The following PLD5 variants were observed in gnomAD, a reference collection of about 807,000 sequenced individuals.
PLD5 encodes phospholipase D family member 5.
In PLD5, 36 loss-of-function variants were observed where a neutral mutation model predicts 61.1. The observed-to-expected ratio is 0.59, with a 90% CI of 0.45 to 0.78. PLD5 has a LOEUF of 0.78. Ranked by LOEUF, PLD5 falls within the 30% of genes least tolerant of loss-of-function variation. The probability of loss-of-function intolerance (pLI) is 0.00; values close to 1 mark genes in which losing one functional copy is unlikely to be tolerated. For synonymous variants in PLD5, 243 were observed against 242.8 expected (o/e 1.00, Z -0.01); for missense variants, 515 against 644.4 (o/e 0.80, Z 2.17).
At chr1:242,414,432 T>C (rs1664716517) in intron 1 of PLD5, among the ~76,000 whole-genome samples, 1 of 152,052 alleles carries the variant, frequency 6.6e-6, no homozygotes, top group Non-Finnish European at 1.5e-5. Flanking sequence ...ATAATACAGG[T>C]CAAATACATG....
chr1:242,317,148 C>T (rs1394540974), intron 2 of PLD5, among the ~76,000 whole-genome samples: 1 of 151,918 alleles, frequency 6.6e-6, no homozygotes, highest in Non-Finnish European at 1.5e-5. Context: ...GCTGTAATCC[C>T]AATTACAGGC....
At chr1:242,503,733 C>G (rs572912059) in intron 1 of PLD5, among the ~76,000 whole-genome samples, 4 of 152,066 alleles carry the variant, frequency 2.6e-5, no homozygotes, top group Admixed American at 6.6e-5. Flanking sequence ...CATTTCACTG[C>G]TCTTAAAAAG....
chr1:242,404,090 G>A (rs914360612), intron 1 of PLD5, among the ~76,000 whole-genome samples: 3 of 152,044 alleles, frequency 2.0e-5, no homozygotes, highest in South Asian at 2.1e-4. Flanking sequence ...AACAGAAACC[G>A]GTCCCTGCCC....
chr1:242,139,616 T>C (rs114094153), intron 5 of PLD5, among the ~76,000 whole-genome samples: 275 of 152,266 alleles, frequency 1.8e-3, no homozygotes, highest in African/African-American at 6.5e-3. Flanking sequence ...CGGGCTCCTC[T>C]CCCTGCAGTT....
chr1:242,252,091 C>T (rs900506367), intron 4 of PLD5, among the ~76,000 whole-genome samples: 14 of 151,900 alleles, frequency 9.2e-5, no homozygotes, highest in East Asian at 1.9e-4. Context: ...CTGTGTATGA[C>T]GTAGGAGGAA....
intron 2 of PLD5, among the ~76,000 whole-genome samples, chr1:242,341,832 G>C (rs1294125129): frequency 1.4e-5 from 2 of 144,260 alleles, no homozygotes; most frequent in East Asian, 4.0e-4. Flanking sequence ...AGACTGAGTT[G>C]TTCCGTTTCC....
At chr1:242,110,808 T>TCA (rs111464015) in intron 7 of PLD5, among the ~76,000 whole-genome samples, 4,687 of 150,138 alleles carry the variant, frequency 0.031, 192 homozygotes, top group African/African-American at 0.097. Context: ...AAACTCTGTC[T>TCA]CACACACACA....
chr1:242,415,015 C>T (rs776368394), intron 1 of PLD5, among the ~76,000 whole-genome samples: 2 of 152,166 alleles, frequency 1.3e-5, no homozygotes, highest in African/African-American at 2.4e-5. Context: ...AATTTCATTC[C>T]CATATGAGAA....
intron 2 of PLD5, among the ~76,000 whole-genome samples, chr1:242,299,435 G>C (rs947505547): frequency 1.3e-5 from 2 of 152,352 alleles, no homozygotes; most frequent in Non-Finnish European, 2.9e-5. Context: ...TTGAGGATAA[G>C]AAACTGAGAC....
intron 1 of PLD5, among the ~76,000 whole-genome samples, chr1:242,517,847 A>G (rs1333365099): frequency 6.6e-6 from 1 of 152,198 alleles, no homozygotes; most frequent in African/African-American, 2.4e-5. Context: ...TTTCACATGA[A>G]AGACACTCAG....
chr1:242,386,758 C>T (rs929063658), intron 1 of PLD5, among the ~76,000 whole-genome samples: 7 of 152,118 alleles, frequency 4.6e-5, no homozygotes, highest in Non-Finnish European at 7.4e-5. Flanking sequence ...AATAGAATTT[C>T]GAGACAATTG....
chr1:242,094,392 G>A (rs1660068344), intron 9 of PLD5, among the ~76,000 whole-genome samples: 1 of 152,120 alleles, frequency 6.6e-6, no homozygotes. Context: ...TTAGAGAGAT[G>A]ACACTGTTTG....
intron 5 of PLD5, among the ~76,000 whole-genome samples, chr1:242,202,558 G>A (rs1177128812): frequency 6.6e-6 from 1 of 152,094 alleles, no homozygotes; most frequent in African/African-American, 2.4e-5. Flanking sequence ...CCTGTGACAG[G>A]GAGCTAACTC....
chr1:242,306,975 C>T (rs1378788056), intron 2 of PLD5, among the ~76,000 whole-genome samples: 1 of 152,254 alleles, frequency 6.6e-6, no homozygotes, highest in Non-Finnish European at 1.5e-5. Context: ...GTGTGTTAGG[C>T]TAAGTCGCCA....
Position 242,394,860 on chromosome 1 carries a change from GTATATATGAA to G in PLD5, c.190-46628_190-46619del, listed in dbSNP as rs1418667838. Among the ~76,000 whole-genome samples, 2 of 99,732 alleles carry G rather than the reference GTATATATGAA, an allele frequency of 2.0e-5. 1 individual carries two copies. The highest frequency in any genetic ancestry group is 7.1e-5 in the African/African-American group (2 of 28,222). 65.4% of individuals were successfully genotyped at this position (99,732 alleles called of 152,430 possible). On this transcript the variant is annotated intron_variant, in intron 1 of 9. Coordinates refer to ENST00000536534, the MANE Select transcript of PLD5 (RefSeq NM_001372062.1). ...TATATATACATATGTGAATATATAT[GTATATATGAA>G]TATATATGAATATATGTATATATAT...
intron 3 of PLD5, among the ~76,000 whole-genome samples, chr1:242,266,383 C>T (rs1380363660): frequency 6.6e-6 from 1 of 152,080 alleles, no homozygotes; most frequent in Non-Finnish European, 1.5e-5. Context: ...TCCATCTCAA[C>T]AAACAAATAA....
intron 1 of PLD5, among the ~76,000 whole-genome samples, chr1:242,410,123 AC>A (rs1664468187): frequency 6.6e-6 from 1 of 152,146 alleles, no homozygotes; most frequent in South Asian, 2.1e-4. Flanking sequence ...GTTTTGGGCG[AC>A]GACTATTTCT....
chr1:242,153,199 GTTT>G (rs573914173), intron 5 of PLD5, among the ~76,000 whole-genome samples: 3 of 149,230 alleles, frequency 2.0e-5, no homozygotes, highest in Non-Finnish European at 4.5e-5. Context: ...CTTTTTGATG[GTTT>G]TTTTTTCTTG....
chr1:242,346,440 G>T (rs1296515983), intron 2 of PLD5, among the ~76,000 whole-genome samples: 1 of 152,072 alleles, frequency 6.6e-6, no homozygotes, highest in East Asian at 1.9e-4. Flanking sequence ...TCACTTTAAG[G>T]TGAGGAGAGA....
Sources: gnomAD v4.1 joint callset for allele counts (sites outside exome capture counted in the v4.1 genomes callset) on GRCh38, gnomAD v4.1.1 for gene constraint, MANE v1.5 for transcripts, NCBI Gene and HGNC (gene_info 2026-07-23, HGNC 2026-07-21) for gene names.